The following SEMA5A variants were observed in gnomAD, a reference collection of about 807,000 sequenced individuals.
The protein encoded by SEMA5A is semaphorin 5A, also known as semaphorin-5A.
A neutral mutation model predicts 135.5 loss-of-function variants in SEMA5A; 55 were observed. The ratio of observed to expected loss-of-function variants is 0.41; its 90% CI spans 0.33 to 0.51. SEMA5A has a LOEUF of 0.51. Among genes scored for constraint, SEMA5A ranks in the 20% least tolerant of loss-of-function variants. The pLI, the probability that SEMA5A is intolerant of heterozygous loss-of-function variation, is 0.37. For synonymous variants in SEMA5A, 580 were observed against 546.5 expected, an observed-to-expected ratio of 1.06 and a Z score of -0.85; for missense variants, 1,290 against 1,419.9, an observed-to-expected ratio of 0.91 and a Z score of 1.47.
At position 9,108,243 on chromosome 5, in the gene SEMA5A, G is replaced by T; in HGVS notation, c.1970C>A (p.Thr657Lys). ...HLLCPPHMFW[T>K]GWGPWERCTA... is the part of the protein sequence containing the mutation. ...GCACCGTTCCCAAGGACCCCAGCCTGTCCAGAACATGTGTGGGGGACATAG... is the reference window on the plus strand; with the variant it reads ...GCACCGTTCCCAAGGACCCCAGCCTTTCCAGAACATGTGTGGGGGACATAG... The change falls in exon 16 of 23, where the codon ACA (threonine) becomes AAA (lysine). Residue 657 changes from threonine to lysine, a missense_variant. Transcript: ENST00000382496. 1 of 1,614,166 alleles carries T rather than the reference G, an allele frequency of 6.2e-7. No homozygotes were observed. Among genetic ancestry groups the T allele is most frequent in the East Asian group, 2.2e-5 (1 of 44,878 alleles).
At chr5:9,497,596 A>C (rs974719152) in intron 1 of SEMA5A, among the ~76,000 whole-genome samples, 1 of 152,204 alleles carries the variant, frequency 6.6e-6, no homozygotes, top group African/African-American at 2.4e-5. Context: ...ACTTCAAGAT[A>C]CCAGGCATCT....
chr5:9,508,522 C>T (rs1408359310), intron 1 of SEMA5A, among the ~76,000 whole-genome samples: 1 of 152,174 alleles, frequency 6.6e-6, no homozygotes, highest in East Asian at 1.9e-4. Context: ...TTAGCCAGAT[C>T]CAGCATTTTC....
Position 9,307,857 on chromosome 5 carries a change from A to G in SEMA5A, c.270+10515T>C, listed in dbSNP as rs1368077159. Among the ~76,000 whole-genome samples, 5 of 152,200 alleles carry G rather than the reference A, an allele frequency of 3.3e-5. No individual in the cohort carries two copies. In the South Asian group the frequency reaches 1.0e-3, roughly 31 times the overall value. On this transcript the variant is annotated intron_variant, in intron 5 of 22. Coordinates refer to ENST00000382496, the MANE Select transcript of SEMA5A (RefSeq NM_003966.3). ...CAGTGTTTGCTATTGGATTACATAA[A>G]TTGCCTGACTTCGTTTCATGAAACT...
At chr5:9,165,986 T>C (rs1743586086) in intron 11 of SEMA5A, among the ~76,000 whole-genome samples, 1 of 152,168 alleles carries the variant, frequency 6.6e-6, no homozygotes, top group African/African-American at 2.4e-5. Flanking sequence ...AAAGGTCTTC[T>C]TGGCTAGTGT....
rs1754447729 is a variant in SEMA5A at position 9,356,370 on chromosome 5, C to T, written c.125-18558G>A. Among the ~76,000 whole-genome samples, 4 of 152,054 alleles carry T rather than the reference C, an allele frequency of 2.6e-5. No individual in the cohort carries two copies. In the South Asian group the frequency reaches 6.2e-4, roughly 24 times the overall value. ...GAGTGTTTAGTTCTGCCTGTCTGTG[C>T]CTCAGGGAATGGAATGTAACAGATG... On this transcript the variant is annotated intron_variant, in intron 3 of 22. Transcript: ENST00000382496.
rs553586610 is a variant in SEMA5A, at chr5:9,054,099, G to T, written c.2677C>A (p.Gln893Lys). 2 of 1,610,996 alleles carry T rather than the reference G, an allele frequency of 1.2e-6. No homozygotes were observed. The highest frequency in any genetic ancestry group is 2.7e-5 in the African/African-American group (2 of 74,938). The part of the protein sequence containing the change: ...LHTEEALCNT[Q>K]PCPESWSEWS... ...AGGTGCCGCTTACCTGGGCAGGGCTGCGTGTTGCAGAGTGCCTCTTCTGTG... is the reference window on the plus strand; with the variant it reads ...AGGTGCCGCTTACCTGGGCAGGGCTTCGTGTTGCAGAGTGCCTCTTCTGTG... The change falls in exon 19 of 23, where the codon CAG becomes AAG. Residue 893 changes from glutamine to lysine, a missense_variant. By Grantham distance (53) the Gln-to-Lys change is moderately conservative. Transcript: ENST00000382496.
chr5:9,448,286 G>T (rs961613881), intron 1 of SEMA5A, among the ~76,000 whole-genome samples: 7 of 152,184 alleles, frequency 4.6e-5, no homozygotes, highest in Non-Finnish European at 2.9e-5. Flanking sequence ...TATCCCAACT[G>T]CCAACATTCA....
At chr5:9,522,504 G>T (rs1358845433) in intron 1 of SEMA5A, among the ~76,000 whole-genome samples, 2 of 152,114 alleles carry the variant, frequency 1.3e-5, no homozygotes, top group African/African-American at 4.8e-5. Context: ...AATCGCTTAG[G>T]AGGCAGAGGT....
chr5:9,413,276 C>T (rs1757167602), intron 2 of SEMA5A, among the ~76,000 whole-genome samples: 1 of 152,122 alleles, frequency 6.6e-6, no homozygotes, highest in South Asian at 2.1e-4. Context: ...CCACTTATGA[C>T]AGCAAACGTA....
chr5:9,480,772 C>T (rs1759845856), intron 1 of SEMA5A, among the ~76,000 whole-genome samples: 1 of 152,122 alleles, frequency 6.6e-6, no homozygotes, highest in Non-Finnish European at 1.5e-5. Flanking sequence ...CAGCATCAGT[C>T]CTCACTGTTC....
At chr5:9,312,689 G>A (rs931662826) in intron 5 of SEMA5A, among the ~76,000 whole-genome samples, 5 of 152,028 alleles carry the variant, frequency 3.3e-5, no homozygotes, top group Admixed American at 2.0e-4. Context: ...AAATCTTCAC[G>A]GCTTTAGCAA....
chr5:9,520,279 G>A (rs1382652997), intron 1 of SEMA5A, among the ~76,000 whole-genome samples: 1 of 152,228 alleles, frequency 6.6e-6, no homozygotes, highest in Admixed American at 6.5e-5. Flanking sequence ...CAAAGGCTCT[G>A]CCTCGTGGGA....
chr5:9,449,560 T>C lies in SEMA5A; in HGVS notation c.-174-11708A>G, dbSNP rs563634559. Among the ~76,000 whole-genome samples, 4 of 151,758 alleles carry C rather than the reference T, an allele frequency of 2.6e-5. No individual in the cohort carries two copies. The South Asian group carries it at 6.3e-4, about 24-fold the overall frequency. ...ACCTGCACATCCTGCACATGTACCC[T>C]GGAACTTAAAATAAAAGTTGAAGGA... On this transcript the variant is annotated intron_variant, in intron 1 of 22. Coordinates refer to ENST00000382496, the MANE Select transcript of SEMA5A (RefSeq NM_003966.3).
At position 9,224,807 on chromosome 5, in the gene SEMA5A, C is replaced by A. The variant is rs147411573; in HGVS notation, c.513G>T (p.Ala171=). 9.9e-6 allele frequency: 16 copies of A among 1,614,086 alleles called. No homozygotes were observed. In the South Asian group the frequency reaches 1.6e-4, roughly 17 times the overall value. Residue 171 remains alanine (A), a synonymous_variant, in exon 8 of 23, where the codon GCG becomes GCT. Coordinates refer to ENST00000382496, the MANE Select transcript of SEMA5A (RefSeq NM_003966.3). ...AGAGCTCCCCACCAGCTGTGAGGAGCGCTGTGGAATTGTGCTGGGGACTGT... is the reference window on the plus strand; with the variant it reads ...AGAGCTCCCCACCAGCTGTGAGGAGAGCTGTGGAATTGTGCTGGGGACTGT... The part of the protein sequence containing the change: ...CPYSPQHNST[A]LLTAGGELYA...
At chr5:9,047,475 A>T (rs1189747981) in intron 21 of SEMA5A, among the ~76,000 whole-genome samples, 1 of 152,194 alleles carries the variant, frequency 6.6e-6, no homozygotes, top group Non-Finnish European at 1.5e-5. Context: ...GATTTTCTGC[A>T]TGGGGAAAGC....
chr5:9,262,887 A>T (rs1749468167), intron 5 of SEMA5A, among the ~76,000 whole-genome samples: 1 of 108,454 alleles, frequency 9.2e-6, no homozygotes, highest in South Asian at 3.0e-4. Flanking sequence ...CCTAAAACTT[A>T]GATTATAATA....
chr5:9,185,085 A>G (rs976189060), intron 11 of SEMA5A, among the ~76,000 whole-genome samples: 5 of 152,052 alleles, frequency 3.3e-5, no homozygotes, highest in Non-Finnish European at 7.4e-5. Flanking sequence ...TCACCACCAT[A>G]CCTGCCTAAT....
At chr5:9,172,228 C>T (rs893187396) in intron 11 of SEMA5A, among the ~76,000 whole-genome samples, 1 of 152,076 alleles carries the variant, frequency 6.6e-6, no homozygotes, top group African/African-American at 2.4e-5. Flanking sequence ...ATGAATGCTG[C>T]CTAGAGATAT....
At chr5:9,514,114 G>T (rs757934097) in intron 1 of SEMA5A, among the ~76,000 whole-genome samples, 7 of 152,110 alleles carry the variant, frequency 4.6e-5, no homozygotes, top group African/African-American at 7.2e-5. Flanking sequence ...CTGGGCTAGG[G>T]CTTCCCTTCC....
Sources: gnomAD v4.1 joint callset for allele counts (sites outside exome capture counted in the v4.1 genomes callset) on GRCh38, gnomAD v4.1.1 for gene constraint, MANE v1.5 for transcripts, NCBI Gene and HGNC (gene_info 2026-07-23, HGNC 2026-07-21) for gene names.